ZBTB4: variants seen among roughly 807,000 people sequenced by gnomAD.
The protein encoded by ZBTB4 is zinc finger and BTB domain containing 4, also known as zinc finger and BTB domain-containing protein 4.
In ZBTB4, 14 loss-of-function variants were observed where a neutral mutation model predicts 59.8. The ratio of observed to expected loss-of-function variants is 0.23; its 90% confidence interval spans 0.15 to 0.37. The LOEUF (loss-of-function observed/expected upper bound fraction) is 0.37, where lower values mean the gene tolerates loss of function less well. Ranked by LOEUF, ZBTB4 falls within the 10% of genes least tolerant of loss-of-function variation. The probability of loss-of-function intolerance (pLI) is 1.00; values close to 1 mark genes in which losing one functional copy is unlikely to be tolerated. For missense variants in ZBTB4, 1,198 were observed against 1,380.8 expected, an observed-to-expected ratio of 0.87 and a Z score of 2.10; for synonymous variants, 587 against 575.2, an observed-to-expected ratio of 1.02 and a Z score of -0.29.
In ZBTB4 at chr17:7,479,574, C is replaced by G. The variant is rs1042009059; in HGVS notation, c.-199G>C. 5.9e-6 allele frequency: 1 copy of G among 169,628 alleles called. No individual in the cohort carries two copies. Among genetic ancestry groups the G allele is most frequent in the Non-Finnish European group, 1.2e-5 (1 of 82,698 alleles). 10.5% of individuals were successfully genotyped at this position (169,628 alleles called of 1,614,324 possible). ...GCTCCAGCTCCGGCCCTGGCCCCCC[C>G]AGCGCCTGGCCCCGGCCCGGCCCCG... On this transcript the variant is annotated 5_prime_UTR_variant, in exon 1 of 4. Transcript: ENST00000380599.
At chr17:7,482,659 A>G (rs1480819561), upstream of ZBTB4, 4 of 1,611,828 alleles carry the variant, frequency 2.5e-6, no homozygotes, top group South Asian at 1.1e-5. Context: ...TGGCCTTCCT[A>G]TCTGGCTTGG....
At chr17:7,477,083 G>A (rs1206576754) in intron 1 of ZBTB4, among the ~76,000 whole-genome samples, 2 of 152,148 alleles carry the variant, frequency 1.3e-5, no homozygotes, top group Non-Finnish European at 2.9e-5. Context: ...TGAGGACAGA[G>A]TGGCCACATA....
rs141897027 is a variant in ZBTB4 at position 7,463,788 on chromosome 17, C to T, written c.1194G>A (p.Glu398=). 100 of 1,614,048 alleles carry T rather than the reference C, an allele frequency of 6.2e-5. No individual in the cohort carries two copies. Among genetic ancestry groups the T allele is most frequent in the African/African-American group, 5.2e-4 (39 of 74,942 alleles). Residue 398 remains glutamate (E), a synonymous_variant, in exon 4 of 4, where the codon GAG becomes GAA. Transcript: ENST00000380599. The stretch of plus-strand genomic sequence containing the variant: ...GCTTGTAGCCTCCATTGGGTGTCTT[C>T]TCACTGGCAAGGAGGCCCGGGCTAA... The part of the protein sequence containing the change: ...HGISPGLLAS[E]KTPNGGYKPK...
Position 7,462,321 on chromosome 17 carries a change from G to A in ZBTB4, c.2661C>T (p.Gly887=), listed in dbSNP as rs373169784. The A allele has an allele frequency of 5.1e-5, 82 of 1,613,536 alleles. No individual in the cohort carries two copies. Among genetic ancestry groups the A allele is most frequent in the Non-Finnish European group, 6.4e-5 (76 of 1,179,890 alleles). The change falls in exon 4 of 4, where the codon GGC becomes GGT. Residue 887 remains glycine (G), a synonymous_variant. Coordinates refer to ENST00000380599, the MANE Select transcript of ZBTB4 (RefSeq NM_001128833.2). The surrounding 1 kb of genome is among the most constrained non-coding windows in gnomAD (Gnocchi z 7.5). The part of the protein sequence containing the change: ...LALIGGGREP[G]GGRGKSGSEG... ...CACTCCCAGATTTTCCCCTGCCACC[G>A]CCAGGTTCCCGGCCGCCCCCAATCA...
At position 7,462,239 on chromosome 17, in the gene ZBTB4, C is replaced by G; in HGVS notation, c.2743G>C (p.Val915Leu). The G allele has an allele frequency of 6.2e-7, 1 of 1,613,740 alleles. No individual in the cohort carries two copies. The highest frequency in any genetic ancestry group is 8.5e-7 in the Non-Finnish European group (1 of 1,179,852). Reference protein sequence around the residue: ...DRMEGIGAAKVTFYPEPYPLV... With the variant: ...DRMEGIGAAKLTFYPEPYPLV... Reference sequence around the variant, plus strand: ...GGGTAGGGCTCAGGGTAGAAAGTGACTTTGGCAGCCCCTATCCCCTCCATC... The same window carrying G: ...GGGTAGGGCTCAGGGTAGAAAGTGAGTTTGGCAGCCCCTATCCCCTCCATC... The change falls in exon 4 of 4, where the codon GTC becomes CTC. Residue 915 changes from valine (V) to leucine (L), a missense_variant. Physicochemically the swap from Val to Leu is conservative, Grantham distance 32. Coordinates refer to ENST00000380599, the MANE Select transcript of ZBTB4 (RefSeq NM_001128833.2). The surrounding 1 kb of genome is among the most constrained non-coding windows in gnomAD (Gnocchi z 7.5).
rs768407747 is a variant in ZBTB4 at position 7,462,205 on chromosome 17, T to C, written c.2777A>G (p.Tyr926Cys). ...TFYPEPYPLV[Y>C]GPQLLAAYPY... Reference sequence around the variant, plus strand: ...GTAGGCGGCAAGGAGCTGGGGGCCATAGACGAGCGGGTAGGGCTCAGGGTA... The same window carrying C: ...GTAGGCGGCAAGGAGCTGGGGGCCACAGACGAGCGGGTAGGGCTCAGGGTA... Residue 926 changes from tyrosine to cysteine, a missense_variant, in exon 4 of 4, where the codon TAT becomes TGT. By Grantham distance (194) the Tyr-to-Cys change is radical (BLOSUM62 -2). Around this residue, in one of 9 missense-constraint regions of ZBTB4, gnomAD observed 211 missense variants for 236.1 expected, o/e 0.89. Transcript: ENST00000380599. The surrounding 1 kb of genome is among the most constrained non-coding windows in gnomAD (Gnocchi z 7.5). 26 of 1,613,566 alleles carry C rather than the reference T, an allele frequency of 1.6e-5. No homozygotes were observed. The highest frequency in any genetic ancestry group is 4.5e-5 in the East Asian group (2 of 44,880).
chr17:7,471,624 G>A lies in ZBTB4; in HGVS notation c.-80-4297C>T, dbSNP rs558170208. The stretch of plus-strand genomic sequence containing the variant: ...GCTTGAGTTAAACTGCCCTATCCTG[G>A]CTACTGCCCTGCAAGGCCTTATAGG... On this transcript the variant is annotated intron_variant, in intron 1 of 3. Coordinates refer to ENST00000380599, the MANE Select transcript of ZBTB4 (RefSeq NM_001128833.2). 4.3e-4 allele frequency among the ~76,000 whole-genome samples: 65 copies of A among 152,274 alleles called. 1 individual carries two copies. Among genetic ancestry groups the A allele is most frequent in the South Asian group, 6.2e-4 (3 of 4,820 alleles).
Position 7,466,465 on chromosome 17 carries a change from GGGGAGA to G in ZBTB4, c.331_336del (p.Ser111_Pro112del), listed in dbSNP as rs942370054. ...GAAGAAGCAGGGGGAGAGGCTGGAG[GGGGAGA>G]GGAAGAGGAAGAGGAAGAAGAAGAA... On this transcript the variant is annotated inframe_deletion, in exon 3 of 4. Coordinates refer to ENST00000380599, the MANE Select transcript of ZBTB4 (RefSeq NM_001128833.2). This position sits in a 1 kb window ranked among gnomAD's most constrained non-coding sequence, Gnocchi z 9.1. 1.2e-6 allele frequency: 2 copies of G among 1,611,858 alleles called. No individual in the cohort carries two copies. The highest frequency in any genetic ancestry group is 2.7e-5 in the African/African-American group (2 of 74,858).
chr17:7,473,404 C>T (rs1461352078), intron 1 of ZBTB4, among the ~76,000 whole-genome samples: 3 of 151,870 alleles, frequency 2.0e-5, no homozygotes, highest in Non-Finnish European at 4.4e-5. Context: ...CATGAGCCAC[C>T]GCGCCTGGCC....
chr17:7,473,103 C>T (rs1325203998), intron 1 of ZBTB4, among the ~76,000 whole-genome samples: 6 of 127,074 alleles, frequency 4.7e-5, no homozygotes, highest in African/African-American at 1.8e-4. Context: ...TATAGGCGCG[C>T]GCCACCATTT....
chr17:7,475,789 C>T (rs1249235928), intron 1 of ZBTB4, among the ~76,000 whole-genome samples: 2 of 152,154 alleles, frequency 1.3e-5, no homozygotes, highest in East Asian at 3.9e-4. Flanking sequence ...GAGGGATATA[C>T]CTTACTCGAG....
upstream of ZBTB4, chr17:7,483,225 G>C: frequency 1.2e-6 from 1 of 856,266 alleles, no homozygotes. Context: ...CCTGGAATCA[G>C]GGCATAACTA....
intron 1 of ZBTB4, among the ~76,000 whole-genome samples, chr17:7,473,381 C>T (rs1225731736): frequency 6.6e-6 from 1 of 151,990 alleles, no homozygotes; most frequent in Non-Finnish European, 1.5e-5. Context: ...TCCCAAAGTG[C>T]AGGGATTACA....
At position 7,463,473 on chromosome 17, in the gene ZBTB4, T is replaced by C. The variant is rs938527168; in HGVS notation, c.1509A>G (p.Gln503=). The C allele has an allele frequency of 6.5e-7, 1 of 1,539,372 alleles. No homozygotes were observed. Among genetic ancestry groups the C allele is most frequent in the East Asian group, 2.3e-5 (1 of 43,350 alleles). ...CAGTGTAAGTGATAACCGAGGCAGC[T>C]TGGGACCCTCCTGTGCTGGCCGTCC... ...GSGTASTGGS[Q]AASVITYTAP... is the part of the protein sequence containing the mutation. The change falls in exon 4 of 4, where the codon CAA becomes CAG. Residue 503 remains glutamine (Q), a synonymous_variant. Coordinates refer to ENST00000380599, the MANE Select transcript of ZBTB4 (RefSeq NM_001128833.2).
Position 7,463,818 on chromosome 17 carries a change from G to A in ZBTB4, c.1164C>T (p.His388=), listed in dbSNP as rs780360377. The stretch of plus-strand genomic sequence containing the variant: ...TGGCAAGGAGGCCCGGGCTAATGCC[G>A]TGGAAGGCTCGCTGGTGGGTCTTCA... ...YNLKTHQRAF[H]GISPGLLASE... Residue 388 remains histidine, a synonymous_variant, in exon 4 of 4, where the codon CAC becomes CAT. Transcript: ENST00000380599. 38 of 1,614,028 alleles carry A rather than the reference G, an allele frequency of 2.4e-5. No homozygotes were observed. The highest frequency in any genetic ancestry group is 1.1e-4 in the East Asian group (5 of 44,896).
rs1429833100 is a variant in ZBTB4, at chr17:7,462,988, C to T, written c.1994G>A (p.Arg665Lys). 2 of 1,609,562 alleles carry T rather than the reference C, an allele frequency of 1.2e-6. No individual in the cohort carries two copies. Among genetic ancestry groups the T allele is most frequent in the Non-Finnish European group, 1.7e-6 (2 of 1,178,632 alleles). The change falls in exon 4 of 4, where the codon AGG (arginine) becomes AAG (lysine). Residue 665 changes from arginine (R) to lysine (K), a missense_variant. By Grantham distance (26) the Arg-to-Lys change is conservative (BLOSUM62 2). Transcript: ENST00000380599. The surrounding 1 kb of genome is among the most constrained non-coding windows in gnomAD (Gnocchi z 7.5). The stretch of plus-strand genomic sequence containing the variant: ...CTTAGGCTTGTAGGAGTAGTAGGGC[C>T]TCCAGAGCTGGTCCTCCCCACCAGC... ...SKAGGEDQLW[R>K]PYYSYKPKRK...
At chr17:7,467,060 A>T in intron 2 of ZBTB4, 197 bp downstream of exon 2, 4 of 771,086 alleles carry the variant, frequency 5.2e-6, no homozygotes, top group Non-Finnish European at 6.3e-6. Context: ...GGTGAAGGTC[A>T]AGGGGTCATG....
At position 7,463,207 on chromosome 17, in the gene ZBTB4, G is replaced by A. The variant is rs1046203856; in HGVS notation, c.1775C>T (p.Pro592Leu). The A allele has an allele frequency of 1.2e-6, 2 of 1,608,904 alleles. No individual in the cohort carries two copies. Among genetic ancestry groups the A allele is most frequent in the African/African-American group, 2.7e-5 (2 of 74,934 alleles). The change falls in exon 4 of 4, where the codon CCC (proline) becomes CTC (leucine). Residue 592 changes from proline (P) to leucine (L), a missense_variant. Physicochemically the swap from Pro to Leu is moderately conservative, Grantham distance 98. Coordinates refer to ENST00000380599, the MANE Select transcript of ZBTB4 (RefSeq NM_001128833.2). ...GGPPTGAGRG[P>L]SQLQAPPPLC... is the part of the protein sequence containing the mutation. ...TGGAGGTGGAGCCTGCAGCTGAGAG[G>A]GGCCCCGGCCAGCCCCTGTGGGGGG...
rs542657185 is a variant in ZBTB4, at chr17:7,462,811, C to T, written c.2171G>A (p.Arg724Gln). Reference sequence around the variant, plus strand: ...GGCACAGTCCCCGCATCGGTGCCTCCGCTCTGTGCGGGCACGTCCCGCTGG... The same window carrying T: ...GGCACAGTCCCCGCATCGGTGCCTCTGCTCTGTGCGGGCACGTCCCGCTGG... ...ESPAGRARTE[R>Q]RHRCGDCAQT... The change falls in exon 4 of 4, where the codon CGG (arginine) becomes CAG (glutamine). Residue 724 changes from arginine (R) to glutamine (Q), a missense_variant. Transcript: ENST00000380599. This position sits in a 1 kb window ranked among gnomAD's most constrained non-coding sequence, Gnocchi z 7.5. The T allele has an allele frequency of 1.2e-5, 19 of 1,602,772 alleles. No homozygotes were observed. Among genetic ancestry groups the T allele is most frequent in the African/African-American group, 8.0e-5 (6 of 75,056 alleles).
Sources: allele counts gnomAD v4.1 joint callset (sites outside exome capture counted in the v4.1 genomes callset), GRCh38; gene constraint gnomAD v4.1.1; regional missense constraint gnomAD v4.1.1; non-coding constraint Gnocchi (gnomAD v3.1); transcripts MANE v1.5; gene names NCBI Gene and HGNC (gene_info 2026-07-23, HGNC 2026-07-21).